The following GFOD1 variants were observed in gnomAD, a reference collection of about 807,000 sequenced individuals.
GFOD1 encodes Gfo/Idh/MocA-like oxidoreductase domain containing 1.
Under a neutral mutation model 25.4 loss-of-function variants are expected in GFOD1, and 9 were observed. That is an observed-to-expected ratio of 0.35 (90% CI 0.21 to 0.62). The LOEUF is 0.62. Ranked by LOEUF, GFOD1 falls within the 20% of genes least tolerant of loss-of-function variation. The pLI, the probability that GFOD1 is intolerant of heterozygous loss-of-function variation, is 0.72. For synonymous variants in GFOD1, 253 were observed against 245.6 expected (o/e 1.03, Z -0.28); for missense variants, 403 against 556.9 (o/e 0.72, Z 2.78).
At chr6:13,400,179 G>C (rs2127563195) in intron 1 of GFOD1, among the ~76,000 whole-genome samples, 1 of 152,182 alleles carries the variant, frequency 6.6e-6, no homozygotes, top group East Asian at 1.9e-4. Context: ...AGACATGCAG[G>C]ACCGGGCAGG....
At chr6:13,427,927 A>G (rs1176784907) in intron 1 of GFOD1, among the ~76,000 whole-genome samples, 2 of 152,168 alleles carry the variant, frequency 1.3e-5, no homozygotes, top group Admixed American at 6.5e-5. Context: ...AGGAACTACT[A>G]AACTTCAAAG....
chr6:13,417,399 T>C (rs1199395202), intron 1 of GFOD1, among the ~76,000 whole-genome samples: 1 of 152,218 alleles, frequency 6.6e-6, no homozygotes, highest in Non-Finnish European at 1.5e-5. Context: ...GTGATCTGCC[T>C]GTCTCGGCCT....
chr6:13,382,027 T>C (rs1330990373), intron 1 of GFOD1, among the ~76,000 whole-genome samples: 1 of 151,796 alleles, frequency 6.6e-6, no homozygotes, highest in Non-Finnish European at 1.5e-5. Flanking sequence ...CACTGAATCC[T>C]CCCAAAACCT....
Position 13,430,695 on chromosome 6 carries a change from A to T in GFOD1, c.253+55943T>A, listed in dbSNP as rs1047283811. On this transcript the variant is annotated intron_variant, in intron 1 of 1. Coordinates refer to ENST00000379287, the MANE Select transcript of GFOD1 (RefSeq NM_018988.4). The surrounding 1 kb of genome is among the most constrained non-coding windows in gnomAD (Gnocchi z 4.1). ...GGAGTAGTGGGACAGCGGGTAGGGA[A>T]AAGTATCCTTGTGGCCTCCAGCACA... Among the ~76,000 whole-genome samples, 5 of 152,038 alleles carry T rather than the reference A, an allele frequency of 3.3e-5. No homozygotes were observed. Among genetic ancestry groups the T allele is most frequent in the African/African-American group, 1.2e-4 (5 of 41,370 alleles).
chr6:13,468,627 C>T (rs1211539773), intron 1 of GFOD1, among the ~76,000 whole-genome samples: 1 of 152,162 alleles, frequency 6.6e-6, no homozygotes, highest in African/African-American at 2.4e-5. Context: ...CCTGACTTAG[C>T]TGTCAGTGAT....
rs946478753 is a variant in GFOD1 at position 13,486,882 on chromosome 6, G to A, written c.9C>T (p.Pro3=). ...GGCTGGTGCCGAACACGCCCACCCC[G>A]GGAAGCATGGCTGCTCAGAGCCGCC... ML[P]GVGVFGTSLT... Residue 3 remains proline (P), a synonymous_variant, in exon 1 of 2, where the codon CCC becomes CCT. Transcript: ENST00000379287. 7 of 1,609,824 alleles carry A rather than the reference G, an allele frequency of 4.3e-6. No individual in the cohort carries two copies. Among genetic ancestry groups the A allele is most frequent in the Non-Finnish European group, 4.2e-6 (5 of 1,179,938 alleles).
At chr6:13,475,617 C>T (rs1427611204) in intron 1 of GFOD1, among the ~76,000 whole-genome samples, 20 of 151,506 alleles carry the variant, frequency 1.3e-4, no homozygotes, top group Admixed American at 6.6e-5. Flanking sequence ...ACTCAGGAGG[C>T]TGAGGCAGGA....
chr6:13,448,158 T>C (rs913054489), intron 1 of GFOD1, among the ~76,000 whole-genome samples: 1 of 152,196 alleles, frequency 6.6e-6, no homozygotes, highest in Non-Finnish European at 1.5e-5. Context: ...CCATGCTTGT[T>C]ATAAAGGTCT....
At chr6:13,443,540 G>C (rs1757951552) in intron 1 of GFOD1, among the ~76,000 whole-genome samples, 3 of 152,106 alleles carry the variant, frequency 2.0e-5, no homozygotes, top group Admixed American at 6.5e-5. Context: ...TGCCAGCCAG[G>C]CACGATGGCT....
Position 13,439,217 on chromosome 6 carries a change from A to C in GFOD1, c.253+47421T>G, listed in dbSNP as rs1274148018. ...AAAAACTTATCACAATAAGAAGGAG[A>C]ATCTAGGAACAAACAACTGAAAATT... On this transcript the variant is annotated intron_variant, in intron 1 of 1. Transcript: ENST00000379287. Among the ~76,000 whole-genome samples, 7 of 142,182 alleles carry C rather than the reference A, an allele frequency of 4.9e-5. No individual in the cohort carries two copies. The Admixed American group carries it at 5.3e-4, about 11-fold the overall frequency. 93.3% of individuals were successfully genotyped at this position (142,182 alleles called of 152,430 possible). A position where few individuals can be genotyped will look rare whatever the true frequency, so the allele number is the denominator to read the frequency against.
chr6:13,395,890 G>A (rs1235307070), intron 1 of GFOD1, among the ~76,000 whole-genome samples: 1 of 152,180 alleles, frequency 6.6e-6, no homozygotes, highest in African/African-American at 2.4e-5. Flanking sequence ...GGGCACTGAG[G>A]CAATTCTAGT....
At chr6:13,440,571 T>C (rs1757899473) in intron 1 of GFOD1, among the ~76,000 whole-genome samples, 1 of 152,192 alleles carries the variant, frequency 6.6e-6, no homozygotes, top group Non-Finnish European at 1.5e-5. Context: ...CTCAGAGCCC[T>C]AGCTTTGGGC....
At chr6:13,409,149 G>GAAAGAAAGAAAGAAAGAAAGAAAGAA (rs369047514) in intron 1 of GFOD1, among the ~76,000 whole-genome samples, 4 of 36,418 alleles carry the variant, frequency 1.1e-4, no homozygotes, top group Admixed American at 3.7e-4. Flanking sequence ...AAGAAAGAAA[G>GAAAGAAAGAAAGAAAGAAAGAAAGAA]AGAGGAAAGA....
At chr6:13,463,312 C>T (rs1029800752) in intron 1 of GFOD1, among the ~76,000 whole-genome samples, 2 of 152,142 alleles carry the variant, frequency 1.3e-5, no homozygotes, top group African/African-American at 2.4e-5. Context: ...TAGGGGCAGG[C>T]ACAGGGCAGC....
At chr6:13,479,899 GA>G (rs1276004801) in intron 1 of GFOD1, among the ~76,000 whole-genome samples, 2 of 152,190 alleles carry the variant, frequency 1.3e-5, no homozygotes, top group Non-Finnish European at 2.9e-5. Flanking sequence ...CATAGATCCA[GA>G]AGAGACCTCA....
chr6:13,403,109 GT>G (rs145172680), intron 1 of GFOD1, among the ~76,000 whole-genome samples: 2,953 of 131,828 alleles, frequency 0.022, 84 homozygotes, highest in African/African-American at 0.073. Flanking sequence ...TGTGTGTGTG[GT>G]TTTTTTTTTT....
chr6:13,444,566 A>C (rs1298182354), intron 1 of GFOD1, among the ~76,000 whole-genome samples: 1 of 152,170 alleles, frequency 6.6e-6, no homozygotes, highest in Non-Finnish European at 1.5e-5. Flanking sequence ...TATCCTAATG[A>C]AAATATATGT....
At chr6:13,414,391 C>A (rs917400382) in intron 1 of GFOD1, among the ~76,000 whole-genome samples, 9 of 152,254 alleles carry the variant, frequency 5.9e-5, no homozygotes, top group Admixed American at 5.9e-4. Flanking sequence ...CAAATCCAAC[C>A]AACAGAACAA....
chr6:13,443,147 A>G (rs975360510), intron 1 of GFOD1, among the ~76,000 whole-genome samples: 7 of 152,218 alleles, frequency 4.6e-5, no homozygotes, highest in African/African-American at 1.7e-4. Flanking sequence ...GTCACTGCAG[A>G]TGTGATGGAA....
Sources: allele counts gnomAD v4.1 joint callset (sites outside exome capture counted in the v4.1 genomes callset), GRCh38; gene constraint gnomAD v4.1.1; non-coding constraint Gnocchi (gnomAD v3.1); transcripts MANE v1.5; gene names NCBI Gene and HGNC (gene_info 2026-07-23, HGNC 2026-07-21).